RAC2: variants seen among roughly 807,000 people sequenced by gnomAD.
RAC2 encodes the protein ras-related C3 botulinum toxin substrate 2.
Under a neutral mutation model 24.0 loss-of-function variants are expected in RAC2, and 1 was observed. The observed-to-expected ratio is 0.04, with a 90% confidence interval of 0.01 to 0.20. The LOEUF is 0.20. Among genes scored for constraint, RAC2 ranks in the 10% least tolerant of loss-of-function variants. The pLI is 1.00. For synonymous variants in RAC2, 114 were observed against 106.8 expected, an observed-to-expected ratio of 1.07 and a Z score of -0.41; for missense variants, 130 against 259.1, an observed-to-expected ratio of 0.50 and a Z score of 3.42.
Position 37,226,673 on chromosome 22 carries a change from CT to C in RAC2, c.578del (p.Ter193TrpfsTer13). 2 of 1,612,664 alleles carry C rather than the reference CT, an allele frequency of 1.2e-6. No individual in the cohort carries two copies. Among genetic ancestry groups the C allele is most frequent in the Non-Finnish European group, 1.7e-6 (2 of 1,179,362 alleles). On this transcript the variant is annotated frameshift_variant and stop_lost, in exon 6 of 7. Coordinates refer to ENST00000249071, the MANE Select transcript of RAC2 (RefSeq NM_002872.5). LOFTEE classifies it high-confidence loss of function. ...RQQKRACSLL[*>X] ...GCACTAGAGTGGGGGACTCTTACCC[CT>C]AGAGGAGGCTGCAGGCGCGCTTCTG... is the stretch of plus-strand genomic sequence containing the variant.
chr22:37,240,769 G>A (rs985549031), intron 2 of RAC2: 6 of 492,198 alleles, frequency 1.2e-5, no homozygotes, highest in Admixed American at 3.2e-5. Flanking sequence ...TCCCGGAGGA[G>A]GGGGCACTGG....
intron 2 of RAC2, among the ~76,000 whole-genome samples, chr22:37,237,228 G>T (rs1927253945): frequency 6.7e-6 from 1 of 149,534 alleles, no homozygotes; most frequent in Non-Finnish European, 1.5e-5. Context: ...AGGAAGGGAG[G>T]GAGGGAAGGA....
chr22:37,241,150 C>G (rs569588310), intron 2 of RAC2: 2 of 778,838 alleles, frequency 2.6e-6, no homozygotes, highest in Non-Finnish European at 4.8e-6. Flanking sequence ...TGCAATAGAG[C>G]GCAGGGCCTC....
intron 2 of RAC2, 123 bp from the exon 3 acceptor site, chr22:37,233,041 AG>A (rs1927118703): frequency 2.7e-6 from 2 of 739,858 alleles, no homozygotes; most frequent in Non-Finnish European, 4.9e-6. Context: ...ACTGGCCCAA[AG>A]TCACACAGCA....
intron 2 of RAC2, among the ~76,000 whole-genome samples, chr22:37,236,186 A>G (rs73889258): frequency 3.4e-3 from 518 of 152,294 alleles, no homozygotes; most frequent in African/African-American, 0.012. Context: ...AAAAAAACAG[A>G]GGATGTTCAA....
intron 2 of RAC2, among the ~76,000 whole-genome samples, chr22:37,233,352 G>A (rs944317622): frequency 3.3e-5 from 5 of 152,004 alleles, no homozygotes; most frequent in African/African-American, 7.3e-5. Flanking sequence ...GCACCATCTC[G>A]GCCCACTGCA....
chr22:37,231,462 G>A lies in RAC2; in HGVS notation c.289-72C>T, dbSNP rs897733761. 43 of 1,435,666 alleles carry A rather than the reference G, an allele frequency of 3.0e-5. 1 individual carries two copies. The Middle Eastern group carries it at 9.0e-4, about 30-fold the overall frequency. 88.9% of individuals were successfully genotyped at this position (1,435,666 alleles called of 1,614,324 possible). A position where few individuals can be genotyped will look rare whatever the true frequency, so the allele number is the denominator to read the frequency against. ...GGCGCGAGGCTGTGCGGGGATCAGA[G>A]GGAGTGTGAGGGTGTAGGGAGAGGA... On this transcript the variant is annotated intron_variant, in intron 4 of 6. Coordinates refer to ENST00000249071, the MANE Select transcript of RAC2 (RefSeq NM_002872.5). This position sits in a 1 kb window ranked among gnomAD's most constrained non-coding sequence, Gnocchi z 5.5.
chr22:37,231,913 C>T lies in RAC2; in HGVS notation c.288+19G>A, dbSNP rs1398162416. On this transcript the variant is annotated intron_variant, in intron 4 of 6. Transcript: ENST00000249071. This position sits in a 1 kb window ranked among gnomAD's most constrained non-coding sequence, Gnocchi z 5.5. Reference sequence around the variant, plus strand: ...GTTACCTGCCCCAGAGCCCCCAAGGCCCACCCTGTCCAGCTCACCTTGGCG... The same window carrying T: ...GTTACCTGCCCCAGAGCCCCCAAGGTCCACCCTGTCCAGCTCACCTTGGCG... 1.3e-6 allele frequency: 2 copies of T among 1,551,476 alleles called. No homozygotes were observed. The highest frequency in any genetic ancestry group is 4.9e-5 in the East Asian group (2 of 40,912).
intron 3 of RAC2, 124 bp downstream of exon 3, chr22:37,232,677 C>G: frequency 1.3e-6 from 1 of 779,086 alleles, no homozygotes; most frequent in South Asian, 1.4e-5. Context: ...CAGGCAGACT[C>G]CCTGAGCTGG....
intron 2 of RAC2, among the ~76,000 whole-genome samples, chr22:37,233,963 T>C (rs1002531977): frequency 6.6e-6 from 1 of 152,112 alleles, no homozygotes; most frequent in Non-Finnish European, 1.5e-5. Flanking sequence ...TCACTGGCCA[T>C]GGGAAGGGCC....
Position 37,231,906 on chromosome 22 carries a change from C to T in RAC2, c.288+26G>A, listed in dbSNP as rs928987671. The T allele has an allele frequency of 7.1e-6, 11 of 1,551,166 alleles. No individual in the cohort carries two copies. Among genetic ancestry groups the T allele is most frequent in the Non-Finnish European group, 9.6e-6 (11 of 1,146,776 alleles). ...CCTCAGGGTTACCTGCCCCAGAGCC[C>T]CCAAGGCCCACCCTGTCCAGCTCAC... On this transcript the variant is annotated intron_variant, in intron 4 of 6. Transcript: ENST00000249071. This position sits in a 1 kb window ranked among gnomAD's most constrained non-coding sequence, Gnocchi z 5.5.
intron 1 of RAC2, among the ~76,000 whole-genome samples, chr22:37,241,889 T>C (rs911010844): frequency 2.0e-5 from 3 of 152,178 alleles, no homozygotes; most frequent in Non-Finnish European, 4.4e-5. Flanking sequence ...GAGATTCTGA[T>C]CCACAGGTGT....
rs1445315959 is a variant in RAC2, at chr22:37,231,195, G to A, written c.448+36C>T. 3.1e-6 allele frequency: 5 copies of A among 1,611,694 alleles called. No individual in the cohort carries two copies. The African/African-American group carries it at 4.0e-5, about 13-fold the overall frequency. On this transcript the variant is annotated intron_variant, in intron 5 of 6. Coordinates refer to ENST00000249071, the MANE Select transcript of RAC2 (RefSeq NM_002872.5). This position sits in a 1 kb window ranked among gnomAD's most constrained non-coding sequence, Gnocchi z 5.5. The stretch of plus-strand genomic sequence containing the variant: ...ACGAGGCCAAGTCAGGGCCTCCCCT[G>A]CAGCCAGATCGCCCCTCTGAGCCCG...
At chr22:37,242,672 C>A (rs533179938) in intron 1 of RAC2, among the ~76,000 whole-genome samples, 5 of 152,246 alleles carry the variant, frequency 3.3e-5, no homozygotes, top group African/African-American at 1.2e-4. Context: ...GACTTCCGCC[C>A]GCCCCTCCTC....
chr22:37,226,892 C>T, intron 5 of RAC2, 89 bp from the exon 6 acceptor site: 1 of 1,511,992 alleles, frequency 6.6e-7, no homozygotes, highest in African/African-American at 1.4e-5. Context: ...CAACCCCTTC[C>T]ACGCCATACA....
At chr22:37,241,118 T>A in intron 2 of RAC2, 1 of 778,040 alleles carries the variant, frequency 1.3e-6, no homozygotes, top group Non-Finnish European at 2.4e-6. Flanking sequence ...CCACGTCCGA[T>A]GACAGCCCTG....
intron 5 of RAC2, among the ~76,000 whole-genome samples, chr22:37,227,935 G>A (rs975930548): frequency 2.6e-5 from 4 of 152,160 alleles, no homozygotes; most frequent in Admixed American, 2.6e-4. Flanking sequence ...CGGGAATTTT[G>A]ATGCTTTTCT....
Position 37,231,499 on chromosome 22 carries a change from T to C in RAC2, c.289-109A>G. 9.2e-7 allele frequency: 1 copy of C among 1,083,868 alleles called. No homozygotes were observed. The highest frequency in any genetic ancestry group is 1.4e-6 in the Non-Finnish European group (1 of 729,706). The allele number at this position is 1,083,868 out of a possible 1,614,324, so 67.1% of individuals were successfully genotyped here. ...GTGTAGGGAGAGGAGAGGCAGCAAGTTGCCAGAAGATCAGAGGTGGGCACG... is the reference window on the plus strand; with the variant it reads ...GTGTAGGGAGAGGAGAGGCAGCAAGCTGCCAGAAGATCAGAGGTGGGCACG... On this transcript the variant is annotated intron_variant, in intron 4 of 6. Coordinates refer to ENST00000249071, the MANE Select transcript of RAC2 (RefSeq NM_002872.5). The surrounding 1 kb of genome is among the most constrained non-coding windows in gnomAD (Gnocchi z 5.5).
intron 2 of RAC2, among the ~76,000 whole-genome samples, chr22:37,237,659 A>G (rs1157136941): frequency 1.3e-5 from 2 of 152,066 alleles, no homozygotes; most frequent in South Asian, 2.1e-4. Context: ...AAATGATTCA[A>G]CCTCAATTAG....
Sources: gnomAD v4.1 joint callset for allele counts (sites outside exome capture counted in the v4.1 genomes callset) on GRCh38, gnomAD v4.1.1 for gene constraint, Gnocchi (gnomAD v3.1) non-coding constraint, MANE v1.5 for transcripts, NCBI Gene and HGNC (gene_info 2026-07-23, HGNC 2026-07-21) for gene names.